The following CTNND2 variants were observed in gnomAD, a reference collection of about 807,000 sequenced individuals.
The protein encoded by CTNND2 is catenin delta-2.
In CTNND2, 22 loss-of-function variants were observed where a neutral mutation model predicts 144.4. That is an observed-to-expected ratio of 0.15 (90% CI 0.11 to 0.22). CTNND2 has a LOEUF of 0.22. Among genes scored for constraint, CTNND2 ranks in the 10% least tolerant of loss-of-function variants. The pLI is 1.00. For synonymous variants in CTNND2, 751 were observed against 695.6 expected (o/e 1.08, Z -1.25); for missense variants, 1,353 against 1,618.8 (o/e 0.84, Z 2.82).
chr5:11,600,109 C>T (rs540554098), intron 2 of CTNND2, among the ~76,000 whole-genome samples: 4 of 152,154 alleles, frequency 2.6e-5, no homozygotes, highest in Non-Finnish European at 4.4e-5. Flanking sequence ...CCTCCATCTA[C>T]CATCTAGAGT....
At position 11,507,773 on chromosome 5, in the gene CTNND2, T is replaced by G. The variant is rs540018996; in HGVS notation, c.287+57171A>C. 5.9e-5 allele frequency among the ~76,000 whole-genome samples: 9 copies of G among 152,282 alleles called. No individual in the cohort carries two copies. The East Asian group carries it at 1.7e-3, about 29-fold the overall frequency. On this transcript the variant is annotated intron_variant, in intron 3 of 21. Coordinates refer to ENST00000304623, the MANE Select transcript of CTNND2 (RefSeq NM_001332.4). The stretch of plus-strand genomic sequence containing the variant: ...GTGAACAGCAGAAGAAATACGGTCG[T>G]GTGCAGATCACAGCACGAGCAGCCA...
intron 2 of CTNND2, among the ~76,000 whole-genome samples, chr5:11,595,846 C>T (rs1779475807): frequency 6.6e-6 from 1 of 152,144 alleles, no homozygotes; most frequent in Non-Finnish European, 1.5e-5. Flanking sequence ...CTTTTTAAAA[C>T]ACATTAATTA....
intron 9 of CTNND2, among the ~76,000 whole-genome samples, chr5:11,304,463 G>A (rs1561186277): frequency 6.6e-6 from 1 of 152,028 alleles, no homozygotes; most frequent in Non-Finnish European, 1.5e-5. Flanking sequence ...ATGGTGCTCA[G>A]CAATGCATTT....
chr5:11,533,405 C>T (rs1029706517), intron 3 of CTNND2, among the ~76,000 whole-genome samples: 1 of 152,184 alleles, frequency 6.6e-6, no homozygotes, highest in Non-Finnish European at 1.5e-5. Context: ...TTAGAGCTCA[C>T]AGATGCCCCA....
intron 2 of CTNND2, among the ~76,000 whole-genome samples, chr5:11,729,464 T>A (rs1052371447): frequency 6.6e-6 from 1 of 152,156 alleles, no homozygotes; most frequent in Non-Finnish European, 1.5e-5. Flanking sequence ...AACAGGATAA[T>A]ACCATACTAT....
At chr5:11,059,897 C>T (rs1176383761) in intron 16 of CTNND2, among the ~76,000 whole-genome samples, 1 of 151,948 alleles carries the variant, frequency 6.6e-6, no homozygotes, top group African/African-American at 2.4e-5. Context: ...TGAATATATA[C>T]ATTCATACCA....
intron 2 of CTNND2, among the ~76,000 whole-genome samples, chr5:11,640,139 T>A (rs569818330): frequency 6.6e-6 from 1 of 152,358 alleles, no homozygotes; most frequent in South Asian, 2.1e-4. Flanking sequence ...CATCACATTA[T>A]CTGACTACTT....
chr5:11,149,138 C>G (rs1429422773), intron 12 of CTNND2, among the ~76,000 whole-genome samples: 2 of 152,208 alleles, frequency 1.3e-5, no homozygotes, highest in African/African-American at 2.4e-5. Flanking sequence ...TGGCAGGCCT[C>G]AAAAGGACAC....
intron 14 of CTNND2, among the ~76,000 whole-genome samples, chr5:11,102,175 A>G (rs900561714): frequency 4.6e-5 from 7 of 152,182 alleles, no homozygotes; most frequent in Admixed American, 1.3e-4. Flanking sequence ...TTATATTTTA[A>G]CGAATAAAAT....
intron 2 of CTNND2, among the ~76,000 whole-genome samples, chr5:11,592,451 T>C (rs1340992249): frequency 6.6e-6 from 1 of 152,162 alleles, no homozygotes; most frequent in Non-Finnish European, 1.5e-5. Context: ...TTATTGTAAA[T>C]GGAATTTTAT....
At chr5:11,177,235 G>A (rs758638813) in intron 11 of CTNND2, among the ~76,000 whole-genome samples, 2 of 152,190 alleles carry the variant, frequency 1.3e-5, no homozygotes, top group Non-Finnish European at 2.9e-5. Context: ...CCCAAGAAGA[G>A]AGTGAGGTTT....
intron 9 of CTNND2, among the ~76,000 whole-genome samples, chr5:11,276,833 G>C (rs1399985151): frequency 3.3e-5 from 5 of 152,104 alleles, no homozygotes; most frequent in African/African-American, 1.2e-4. Context: ...AGATGGAGGT[G>C]GAGATTGGAG....
At chr5:11,507,573 A>T (rs1197703868) in intron 3 of CTNND2, among the ~76,000 whole-genome samples, 3 of 152,204 alleles carry the variant, frequency 2.0e-5, no homozygotes, top group Non-Finnish European at 4.4e-5. Context: ...GCTGCTGAGA[A>T]GTCTGGAAGG....
chr5:11,828,607 A>G (rs990566576), intron 1 of CTNND2, among the ~76,000 whole-genome samples: 9 of 152,204 alleles, frequency 5.9e-5, no homozygotes, highest in Admixed American at 4.6e-4. Context: ...TGTAAGACAT[A>G]AGTTGCTCTT....
chr5:11,058,640 C>T (rs796595917), intron 16 of CTNND2, among the ~76,000 whole-genome samples: 10 of 152,288 alleles, frequency 6.6e-5, no homozygotes, highest in African/African-American at 1.4e-4. Flanking sequence ...CACCACCTAG[C>T]GGAGCTGTGA....
At chr5:11,574,732 C>T (rs1777842618) in intron 2 of CTNND2, among the ~76,000 whole-genome samples, 1 of 152,038 alleles carries the variant, frequency 6.6e-6, no homozygotes, top group Admixed American at 6.6e-5. Flanking sequence ...TCAGATATAC[C>T]AAACAAGGGC....
intron 9 of CTNND2, among the ~76,000 whole-genome samples, chr5:11,310,222 T>C (rs1750656570): frequency 6.6e-6 from 1 of 151,988 alleles, no homozygotes; most frequent in South Asian, 2.1e-4. Context: ...TCTCACAGAG[T>C]TCCTGCTCAT....
At chr5:11,227,575 G>A (rs1015836890) in intron 10 of CTNND2, among the ~76,000 whole-genome samples, 1 of 152,114 alleles carries the variant, frequency 6.6e-6, no homozygotes, top group Non-Finnish European at 1.5e-5. Flanking sequence ...AACTATATGA[G>A]GTAGAAAGAA....
At chr5:11,465,829 G>A (rs1766620520) in intron 3 of CTNND2, among the ~76,000 whole-genome samples, 1 of 152,166 alleles carries the variant, frequency 6.6e-6, no homozygotes, top group Non-Finnish European at 1.5e-5. Flanking sequence ...TGAGGGTGTT[G>A]CAGTAATTTA....
Sources: allele counts gnomAD v4.1 joint callset (sites outside exome capture counted in the v4.1 genomes callset), GRCh38; gene constraint gnomAD v4.1.1; transcripts MANE v1.5; gene names NCBI Gene and HGNC (gene_info 2026-07-23, HGNC 2026-07-21).